The following GNAI1 variants were observed in gnomAD, a reference collection of about 807,000 sequenced individuals.
GNAI1 encodes guanine nucleotide-binding protein G(i) subunit alpha-1.
GNAI1 carries 11 observed loss-of-function variants against 38.9 expected under a neutral mutation model. That is an observed-to-expected ratio of 0.28 (90% CI 0.18 to 0.47). GNAI1 has a LOEUF of 0.47. Ranked by LOEUF, GNAI1 falls within the 20% of genes least tolerant of loss-of-function variation. The pLI, the probability that GNAI1 is intolerant of heterozygous loss-of-function variation, is 0.99. For synonymous variants in GNAI1, 166 were observed against 145.1 expected (o/e 1.14, Z -1.04); for missense variants, 317 against 436.9 (o/e 0.73, Z 2.45).
intron 1 of GNAI1, among the ~76,000 whole-genome samples, chr7:80,155,556 T>C (rs1447478009): frequency 6.6e-6 from 1 of 152,174 alleles, no homozygotes; most frequent in African/African-American, 2.4e-5. Context: ...AAATGTATTT[T>C]ATGTAGTCTA....
chr7:80,195,088 C>T (rs1788544670), intron 3 of GNAI1, among the ~76,000 whole-genome samples: 2 of 151,938 alleles, frequency 1.3e-5, no homozygotes, highest in Admixed American at 6.6e-5. Flanking sequence ...TCACTTATCT[C>T]ACATTTCTGT....
intron 5 of GNAI1, among the ~76,000 whole-genome samples, 195 bp downstream of exon 5, chr7:80,204,027 T>C (rs993956157): frequency 6.6e-6 from 1 of 152,164 alleles, no homozygotes; most frequent in African/African-American, 2.4e-5. Flanking sequence ...GGAATGTTTT[T>C]ATTTAAGAAA....
In GNAI1 at chr7:80,225,669, C is replaced by T. The variant is rs568350816; in HGVS notation, c.*8176C>T. 6.6e-6 allele frequency among the ~76,000 whole-genome samples: 1 copy of T among 152,170 alleles called. No individual in the cohort carries two copies. The highest frequency in any genetic ancestry group is 6.5e-5 in the Admixed American group (1 of 15,276). ...GATAGAGTATCAAATATTCCAAGGCCTTACATGCATGTTTTGTTTTTTGAT... is the reference window on the plus strand; with the variant it reads ...GATAGAGTATCAAATATTCCAAGGCTTTACATGCATGTTTTGTTTTTTGAT... On this transcript the variant is annotated 3_prime_UTR_variant, in exon 8 of 8. Coordinates refer to ENST00000649796, the MANE Select transcript of GNAI1 (RefSeq NM_002069.6).
intron 3 of GNAI1, among the ~76,000 whole-genome samples, chr7:80,195,324 C>T (rs1363803370): frequency 6.6e-6 from 1 of 151,762 alleles, no homozygotes; most frequent in African/African-American, 2.4e-5. Flanking sequence ...TTAAAATTAA[C>T]TTTTTATTTT....
chr7:80,200,442 A>G (rs1371393369), intron 4 of GNAI1, among the ~76,000 whole-genome samples: 1 of 151,778 alleles, frequency 6.6e-6, no homozygotes, highest in Non-Finnish European at 1.5e-5. Context: ...AAAATGTCCT[A>G]TATGATATGT....
rs116820613 is a variant in GNAI1, at chr7:80,160,054, G to T, written c.118+24776G>T. The stretch of plus-strand genomic sequence containing the variant: ...ATCCCTCCTGTTACTTGGCTTTAAG[G>T]ATCTGTGCTCAGAGGCAACTCTGTT... On this transcript the variant is annotated intron_variant, in intron 1 of 7. Transcript: ENST00000649796. 8.3e-3 allele frequency among the ~76,000 whole-genome samples: 1,266 copies of T among 152,160 alleles called. 18 individuals carry two copies. The highest frequency in any genetic ancestry group is 0.029 in the African/African-American group (1,188 of 41,500).
rs1789035576 is a variant in GNAI1 at position 80,219,494 on chromosome 7, A to G, written c.*2001A>G. ...CTTCTTTTTCTATGCTCTTTTTACA[A>G]TTTCAGCTACTCCAGAAGCTCAGAT... On this transcript the variant is annotated 3_prime_UTR_variant, in exon 8 of 8. Transcript: ENST00000649796. 1 of 152,270 alleles carries G rather than the reference A, an allele frequency of 6.6e-6. No homozygotes were observed. Among genetic ancestry groups the G allele is most frequent in the African/African-American group, 2.4e-5 (1 of 41,420 alleles). 9.4% of individuals were successfully genotyped at this position (152,270 alleles called of 1,614,324 possible). A position where few individuals can be genotyped will look rare whatever the true frequency, so the allele number is the denominator to read the frequency against.
In GNAI1 at chr7:80,220,752, T is replaced by G. The variant is rs1789058538; in HGVS notation, c.*3259T>G. Among the ~76,000 whole-genome samples the G allele has an allele frequency of 6.6e-6, 1 of 152,174 alleles. No individual in the cohort carries two copies. The highest frequency in any genetic ancestry group is 1.9e-4 in the East Asian group (1 of 5,188). ...TCAAAAAAGGCTTAAAGAGGTTAAT[T>G]AACTTGAGCAAGACCAGATGAAGGT... On this transcript the variant is annotated 3_prime_UTR_variant, in exon 8 of 8. Coordinates refer to ENST00000649796, the MANE Select transcript of GNAI1 (RefSeq NM_002069.6).
chr7:80,177,122 C>G (rs574383940), intron 1 of GNAI1, among the ~76,000 whole-genome samples: 10 of 148,840 alleles, frequency 6.7e-5, no homozygotes, highest in Non-Finnish European at 1.3e-4. Context: ...GCTCCGCCTC[C>G]CGGGTTCATG....
At chr7:80,161,103 C>A (rs540581076) in intron 1 of GNAI1, among the ~76,000 whole-genome samples, 2 of 152,288 alleles carry the variant, frequency 1.3e-5, no homozygotes, top group South Asian at 4.2e-4. Context: ...ACCTACTAAA[C>A]TACCTAGCCT....
intron 1 of GNAI1, among the ~76,000 whole-genome samples, chr7:80,172,476 T>C (rs1788112785): frequency 6.6e-6 from 1 of 152,234 alleles, no homozygotes; most frequent in African/African-American, 2.4e-5. Flanking sequence ...ATTGCCAGCA[T>C]ACCTTGAGTA....
At chr7:80,137,322 T>TC in intron 1 of GNAI1, among the ~76,000 whole-genome samples, 1 of 124,112 alleles carries the variant, frequency 8.1e-6, no homozygotes, top group South Asian at 3.0e-4. Context: ...CTTTTCTTTT[T>TC]TTTTTTTTTT....
chr7:80,145,350 A>C (rs1241560595), intron 1 of GNAI1, among the ~76,000 whole-genome samples: 1 of 152,090 alleles, frequency 6.6e-6, no homozygotes, highest in African/African-American at 2.4e-5. Flanking sequence ...CAATCTATAT[A>C]TTTTTTAAAG....
intron 1 of GNAI1, among the ~76,000 whole-genome samples, chr7:80,182,737 AAAGAC>A (rs140649150): frequency 0.11 from 16,426 of 152,164 alleles, 1,102 homozygotes; most frequent in South Asian, 0.21. Context: ...AAGAGATTGA[AAAGAC>A]AAAAGACCCT....
At position 80,224,593 on chromosome 7, in the gene GNAI1, AT is replaced by A. The variant is rs1789129257; in HGVS notation, c.*7101del. Among the ~76,000 whole-genome samples the A allele has an allele frequency of 2.0e-5, 3 of 152,248 alleles. No individual in the cohort carries two copies. The highest frequency in any genetic ancestry group is 2.9e-5 in the Non-Finnish European group (2 of 68,046). On this transcript the variant is annotated 3_prime_UTR_variant, in exon 8 of 8. Coordinates refer to ENST00000649796, the MANE Select transcript of GNAI1 (RefSeq NM_002069.6). The stretch of plus-strand genomic sequence containing the variant: ...AACAGCATTGCCTGAACAGATGTTA[AT>A]AAGTATGCATGATGCACATTAGCAT...
At chr7:80,160,315 T>TA (rs892931582) in intron 1 of GNAI1, among the ~76,000 whole-genome samples, 39 of 151,936 alleles carry the variant, frequency 2.6e-4, no homozygotes, top group Middle Eastern at 3.4e-3. Flanking sequence ...TTTTGGTTAC[T>TA]AAAAAAAATG....
At chr7:80,152,368 A>T (rs578143514) in intron 1 of GNAI1, among the ~76,000 whole-genome samples, 1 of 152,330 alleles carries the variant, frequency 6.6e-6, no homozygotes, top group South Asian at 2.1e-4. Flanking sequence ...ATTATATCTT[A>T]TGTTGCAAGA....
chr7:80,156,803 T>A (rs2116116284), intron 1 of GNAI1, among the ~76,000 whole-genome samples: 1 of 152,246 alleles, frequency 6.6e-6, no homozygotes, highest in Non-Finnish European at 1.5e-5. Context: ...CAGACTTTAT[T>A]TTTTAGAGTA....
At chr7:80,202,116 A>T (rs1416474637) in intron 4 of GNAI1, among the ~76,000 whole-genome samples, 1 of 151,976 alleles carries the variant, frequency 6.6e-6, no homozygotes, top group Admixed American at 6.6e-5. Flanking sequence ...TTTGAGATGG[A>T]GTCGGGCTTT....
Sources: gnomAD v4.1 joint callset for allele counts (sites outside exome capture counted in the v4.1 genomes callset) on GRCh38, gnomAD v4.1.1 for gene constraint, MANE v1.5 for transcripts, NCBI Gene and HGNC (gene_info 2026-07-23, HGNC 2026-07-21) for gene names.